FILIP1L: variants seen among roughly 807,000 people sequenced by gnomAD.
FILIP1L encodes filamin A interacting protein 1 like, also known as filamin A-interacting protein 1-like.
In FILIP1L, 55 loss-of-function variants were observed where a neutral mutation model predicts 96.6. The ratio of observed to expected loss-of-function variants is 0.57; its 90% confidence interval spans 0.46 to 0.71. The LOEUF is 0.71. FILIP1L is among the 30% of genes least tolerant of loss of function. The pLI, the probability that FILIP1L is intolerant of heterozygous loss-of-function variation, is 0.00. For synonymous variants in FILIP1L, 467 were observed against 473.9 expected, an observed-to-expected ratio of 0.99 and a Z score of 0.19; for missense variants, 1,304 against 1,321.2, an observed-to-expected ratio of 0.99 and a Z score of 0.20.
chr3:99,968,415 CTA>C (rs1708717444), intron 1 of FILIP1L, among the ~76,000 whole-genome samples: 2 of 148,336 alleles, frequency 1.3e-5, no homozygotes, highest in African/African-American at 5.0e-5. Context: ...TCCTGAAAAA[CTA>C]TGTTTTTGGG....
At chr3:99,986,729 C>T (rs967244146) in intron 1 of FILIP1L, among the ~76,000 whole-genome samples, 6 of 151,884 alleles carry the variant, frequency 4.0e-5, no homozygotes, top group Admixed American at 1.3e-4. Flanking sequence ...TGGCCCTAAG[C>T]GGGGGATTCT....
intron 4 of FILIP1L, among the ~76,000 whole-genome samples, chr3:99,887,222 G>C (rs1326388178): frequency 6.6e-6 from 1 of 151,280 alleles, no homozygotes; most frequent in African/African-American, 2.4e-5. Flanking sequence ...AGCCGAGATT[G>C]AGCCATTGCA....
At chr3:99,867,981 G>A (rs1328225518) in intron 4 of FILIP1L, among the ~76,000 whole-genome samples, 6 of 152,160 alleles carry the variant, frequency 3.9e-5, no homozygotes, top group Admixed American at 2.0e-4. Flanking sequence ...TATTTAGACT[G>A]TTAATTTCAA....
intron 4 of FILIP1L, among the ~76,000 whole-genome samples, chr3:99,878,083 G>T (rs893102557): frequency 3.3e-5 from 5 of 152,146 alleles, no homozygotes; most frequent in African/African-American, 4.8e-5. Context: ...GAGGATTAGG[G>T]CTTCTACTCC....
At chr3:99,867,544 G>A (rs1325803430) in intron 4 of FILIP1L, among the ~76,000 whole-genome samples, 3 of 152,190 alleles carry the variant, frequency 2.0e-5, no homozygotes. Context: ...ATATCTGATG[G>A]ACAGGAAATG....
intron 4 of FILIP1L, among the ~76,000 whole-genome samples, chr3:99,891,380 T>G (rs1029978118): frequency 6.6e-6 from 1 of 152,176 alleles, no homozygotes; most frequent in African/African-American, 2.4e-5. Flanking sequence ...AAATTTAAGT[T>G]TATGGAGTTT....
chr3:99,860,736 CAG>C (rs1449438514), intron 4 of FILIP1L, among the ~76,000 whole-genome samples: 1 of 152,168 alleles, frequency 6.6e-6, no homozygotes, highest in Non-Finnish European at 1.5e-5. Context: ...CTGGAACTGA[CAG>C]GGGAGTGACA....
At position 99,829,309 on chromosome 3, in the gene FILIP1L, TC is replaced by T. The variant is rs1242570713; in HGVS notation, c.*1104del. Reference sequence around the variant, plus strand: ...GTCAAACATGCCTTGTCTTAAAATGTCCTGTATTACTCTGTCCACACTGAAT... The same window carrying T: ...GTCAAACATGCCTTGTCTTAAAATGTCTGTATTACTCTGTCCACACTGAAT... On this transcript the variant is annotated 3_prime_UTR_variant, in exon 6 of 6. Coordinates refer to ENST00000477258, the MANE Select transcript of FILIP1L (RefSeq NM_001387850.1). 1.3e-5 allele frequency among the ~76,000 whole-genome samples: 2 copies of T among 152,340 alleles called. No individual in the cohort carries two copies. Among genetic ancestry groups the T allele is most frequent in the East Asian group, 3.9e-4 (2 of 5,182 alleles).
chr3:100,093,219 G>A (rs78825283), intron 1 of FILIP1L, among the ~76,000 whole-genome samples: 3,288 of 152,154 alleles, frequency 0.022, 58 homozygotes, highest in Non-Finnish European at 0.033. Context: ...ATACTGAGTT[G>A]AGCAGCTTAT....
chr3:99,935,610 A>G (rs925426065), intron 1 of FILIP1L, among the ~76,000 whole-genome samples: 1 of 152,130 alleles, frequency 6.6e-6, no homozygotes, highest in African/African-American at 2.4e-5. Context: ...TTTGACCTCT[A>G]CCCTGTTCCT....
intron 1 of FILIP1L, among the ~76,000 whole-genome samples, chr3:100,088,290 A>G (rs1217416496): frequency 6.6e-6 from 1 of 152,226 alleles, no homozygotes; most frequent in East Asian, 1.9e-4. Context: ...AGAAAAAAAT[A>G]GTTTCATTTC....
intron 4 of FILIP1L, among the ~76,000 whole-genome samples, chr3:99,855,970 C>A (rs370840732): frequency 7.4e-4 from 112 of 152,324 alleles, no homozygotes; most frequent in African/African-American, 2.6e-3. Context: ...AAATACATAT[C>A]CCTCTGGTAC....
At chr3:100,011,466 TCCAAAATGGAGTTGG>T (rs2107195660) in intron 1 of FILIP1L, among the ~76,000 whole-genome samples, 1 of 152,322 alleles carries the variant, frequency 6.6e-6, no homozygotes, top group South Asian at 2.1e-4. Context: ...GCCATCTTCC[TCCAAAATGGAGTTGG>T]ACTCCATTTT....
intron 4 of FILIP1L, among the ~76,000 whole-genome samples, chr3:99,888,914 A>G (rs1705997302): frequency 6.6e-6 from 1 of 152,118 alleles, no homozygotes; most frequent in Admixed American, 6.6e-5. Flanking sequence ...CTTAATTTTT[A>G]TAAACATATT....
intron 1 of FILIP1L, among the ~76,000 whole-genome samples, chr3:100,084,445 T>A (rs1457955804): frequency 1.3e-5 from 2 of 152,194 alleles, no homozygotes; most frequent in Admixed American, 1.3e-4. Context: ...ACTTTCAGAT[T>A]TCAGATATAT....
chr3:99,980,400 ACATCAGATATGTTAGGTAACTGCCC>A (rs1709087586), intron 1 of FILIP1L, among the ~76,000 whole-genome samples: 1 of 152,284 alleles, frequency 6.6e-6, no homozygotes, highest in East Asian at 1.9e-4. Flanking sequence ...ATGGTATAGT[ACATCAGATATGTTAGGTAACTGCCC>A]CATCAAGGTC....
At chr3:99,845,877 A>C (rs955092610) in intron 5 of FILIP1L, among the ~76,000 whole-genome samples, 1 of 152,190 alleles carries the variant, frequency 6.6e-6, no homozygotes, top group Non-Finnish European at 1.5e-5. Flanking sequence ...CTTCTAAAAG[A>C]GGTATTCCTT....
chr3:99,833,928 A>C lies in FILIP1L; in HGVS notation c.3382-3323T>G, dbSNP rs374908978. Among the ~76,000 whole-genome samples the C allele has an allele frequency of 5.2e-5, 8 of 152,388 alleles. No individual in the cohort carries two copies. In the East Asian group the frequency reaches 5.8e-4, roughly 11 times the overall value. ...TTTTTATCTCAGTGTTTAATGGGAAAGTATATAAGCAATGATGATGGATAT... is the reference window on the plus strand; with the variant it reads ...TTTTTATCTCAGTGTTTAATGGGAACGTATATAAGCAATGATGATGGATAT... On this transcript the variant is annotated intron_variant, in intron 5 of 5. Transcript: ENST00000477258.
intron 1 of FILIP1L, among the ~76,000 whole-genome samples, chr3:100,038,549 A>G (rs2065149032): frequency 6.6e-6 from 1 of 152,242 alleles, no homozygotes. Flanking sequence ...TGTAATTGCA[A>G]AAGATTGGAA....
Sources: gnomAD v4.1 joint callset for allele counts (sites outside exome capture counted in the v4.1 genomes callset) on GRCh38, gnomAD v4.1.1 for gene constraint, MANE v1.5 for transcripts, NCBI Gene and HGNC (gene_info 2026-07-23, HGNC 2026-07-21) for gene names.